OPCML: variants seen among roughly 807,000 people sequenced by gnomAD.
OPCML encodes opioid binding protein/cell adhesion molecule like, also known as opioid-binding protein/cell adhesion molecule.
In OPCML, 13 loss-of-function variants were observed where a neutral mutation model predicts 37.8. That is an observed-to-expected ratio of 0.34 (90% CI 0.22 to 0.55). OPCML has a LOEUF of 0.55. Among genes scored for constraint, OPCML ranks in the 20% least tolerant of loss-of-function variants. The probability of loss-of-function intolerance (pLI) is 0.91; values close to 1 mark genes in which losing one functional copy is unlikely to be tolerated. For synonymous variants in OPCML, 176 were observed against 168.8 expected, an observed-to-expected ratio of 1.04 and a Z score of -0.33; for missense variants, 341 against 435.6, an observed-to-expected ratio of 0.78 and a Z score of 1.93.
intron 2 of OPCML, among the ~76,000 whole-genome samples, chr11:132,828,347 C>T (rs1428598029): frequency 6.6e-6 from 1 of 152,040 alleles, no homozygotes; most frequent in Non-Finnish European, 1.5e-5. Flanking sequence ...CAAAACCCAG[C>T]GAGCGCACAG....
intron 2 of OPCML, among the ~76,000 whole-genome samples, chr11:132,685,434 C>T (rs1323383573): frequency 6.6e-6 from 1 of 152,202 alleles, no homozygotes; most frequent in Non-Finnish European, 1.5e-5. Flanking sequence ...TTGGTGCTAT[C>T]ATTTTTCATG....
chr11:132,741,053 A>G (rs1324634067), intron 2 of OPCML, among the ~76,000 whole-genome samples: 1 of 152,148 alleles, frequency 6.6e-6, no homozygotes, highest in Non-Finnish European at 1.5e-5. Flanking sequence ...AGGGTGCAGT[A>G]TCCTATTTGT....
intron 1 of OPCML, among the ~76,000 whole-genome samples, chr11:132,972,642 T>C (rs1273424036): frequency 6.6e-6 from 1 of 152,186 alleles, no homozygotes; most frequent in Non-Finnish European, 1.5e-5. Context: ...CCTTTTAATG[T>C]CTCTTTCCTC....
chr11:132,750,146 C>T (rs1389335883), intron 2 of OPCML, among the ~76,000 whole-genome samples: 1 of 152,092 alleles, frequency 6.6e-6, no homozygotes, highest in Non-Finnish European at 1.5e-5. Context: ...ACCAGCCTAA[C>T]CATTGAATGT....
chr11:133,339,638 G>A (rs1486617568), intron 1 of OPCML, among the ~76,000 whole-genome samples: 1 of 152,132 alleles, frequency 6.6e-6, no homozygotes, highest in East Asian at 1.9e-4. Context: ...AAAGCCGGCT[G>A]AAGTCCAGCC....
At chr11:132,958,283 C>T (rs915357980) in intron 1 of OPCML, among the ~76,000 whole-genome samples, 2 of 152,294 alleles carry the variant, frequency 1.3e-5, no homozygotes, top group Non-Finnish European at 2.9e-5. Flanking sequence ...TTGTAACTCT[C>T]TTCAATTCTA....
At chr11:132,909,385 C>T (rs780050111) in intron 2 of OPCML, among the ~76,000 whole-genome samples, 4 of 152,194 alleles carry the variant, frequency 2.6e-5, no homozygotes, top group African/African-American at 9.7e-5. Context: ...TTCTGAGAGA[C>T]CATTTCATAG....
rs758294052 is a variant in OPCML at position 133,043,371 on chromosome 11, C to T, written c.62-100361G>A. 3.3e-5 allele frequency among the ~76,000 whole-genome samples: 5 copies of T among 152,190 alleles called. No individual in the cohort carries two copies. In the East Asian group the frequency reaches 5.8e-4, roughly 18 times the overall value. ...AAGGAGCCATTCTTCTCATTACCTC[C>T]GCCTTTGAGGATGCCAGGCTGACCA... On this transcript the variant is annotated intron_variant, in intron 1 of 7. Transcript: ENST00000524381.
intron 1 of OPCML, among the ~76,000 whole-genome samples, chr11:133,140,549 G>T (rs1339040976): frequency 0.01 from 1,210 of 117,790 alleles, 14 homozygotes; most frequent in African/African-American, 0.031. Flanking sequence ...AGAAGAAGAA[G>T]AAGAAGAAGA....
chr11:132,547,457 A>G (rs2096371328), intron 3 of OPCML, among the ~76,000 whole-genome samples: 1 of 152,092 alleles, frequency 6.6e-6, no homozygotes. Context: ...GTAGGAGGAG[A>G]AGAAGGCTAT....
chr11:132,569,259 C>T (rs970474059), intron 3 of OPCML, among the ~76,000 whole-genome samples: 5 of 152,162 alleles, frequency 3.3e-5, no homozygotes, highest in African/African-American at 1.2e-4. Flanking sequence ...TCCGTGTCCT[C>T]ATAAGAAGAG....
intron 1 of OPCML, among the ~76,000 whole-genome samples, chr11:133,040,739 T>C (rs940606954): frequency 6.6e-6 from 1 of 152,072 alleles, no homozygotes; most frequent in African/African-American, 2.4e-5. Context: ...GCTGCACGTA[T>C]GTGACTGCGT....
At chr11:133,030,661 G>A (rs1044032886) in intron 1 of OPCML, among the ~76,000 whole-genome samples, 11 of 152,092 alleles carry the variant, frequency 7.2e-5, no homozygotes, top group African/African-American at 2.7e-4. Context: ...ACTTTACCTA[G>A]AATTAATATG....
chr11:132,782,465 A>G (rs933270634), intron 2 of OPCML, among the ~76,000 whole-genome samples: 2 of 152,248 alleles, frequency 1.3e-5, no homozygotes, highest in Non-Finnish European at 2.9e-5. Context: ...CAGCAATGAG[A>G]GTGGCCTTGG....
At chr11:132,759,922 C>T (rs890064022) in intron 2 of OPCML, among the ~76,000 whole-genome samples, 1 of 152,160 alleles carries the variant, frequency 6.6e-6, no homozygotes, top group African/African-American at 2.4e-5. Flanking sequence ...CCCGCTTTCT[C>T]ATGTGGGAAT....
chr11:132,770,116 GC>G (rs1281517706), intron 2 of OPCML, among the ~76,000 whole-genome samples: 1 of 152,056 alleles, frequency 6.6e-6, no homozygotes, highest in Non-Finnish European at 1.5e-5. Flanking sequence ...AAGAATTTCA[GC>G]TTTTATTATC....
intron 1 of OPCML, among the ~76,000 whole-genome samples, chr11:133,370,884 A>T (rs1944660160): frequency 6.6e-6 from 1 of 152,216 alleles, no homozygotes; most frequent in South Asian, 2.1e-4. Flanking sequence ...TCAAGAGACA[A>T]CCTTTTGAAT....
chr11:132,514,826 G>A (rs983041530), intron 4 of OPCML, among the ~76,000 whole-genome samples: 3 of 152,118 alleles, frequency 2.0e-5, no homozygotes, highest in Admixed American at 2.0e-4. Flanking sequence ...ACATCTTGCT[G>A]TCTGACATCC....
rs1157988377 is a variant in OPCML, at chr11:133,140,997, AGAC to A, written c.62-197990_62-197988del. Among the ~76,000 whole-genome samples the A allele has an allele frequency of 1.4e-3, 5 of 3,698 alleles. 2 individuals carry two copies. Among genetic ancestry groups the A allele is most frequent in the African/African-American group, 1.3e-3 (3 of 2,306 alleles). The allele number at this position is 3,698 out of a possible 152,430, so 2.4% of individuals were successfully genotyped here. A position where few individuals can be genotyped will look rare whatever the true frequency, so the allele number is the denominator to read the frequency against. On this transcript the variant is annotated intron_variant, in intron 1 of 7. Coordinates refer to ENST00000524381, the MANE Select transcript of OPCML (RefSeq NM_001012393.5). Reference sequence around the variant, plus strand: ...AAGAAGAAGAAGAAGAAGAAGAAGAAGACGACGACGACGACGACGACGACGACG... The same window carrying A: ...AAGAAGAAGAAGAAGAAGAAGAAGAAGACGACGACGACGACGACGACGACG...
Sources: allele counts gnomAD v4.1 joint callset (sites outside exome capture counted in the v4.1 genomes callset), GRCh38; gene constraint gnomAD v4.1.1; transcripts MANE v1.5; gene names NCBI Gene and HGNC (gene_info 2026-07-23, HGNC 2026-07-21).